The following PITRM1 variants were observed in gnomAD, a reference collection of about 807,000 sequenced individuals.
The protein encoded by PITRM1 is presequence protease, mitochondrial.
A neutral mutation model predicts 129.9 loss-of-function variants in PITRM1; 100 were observed. That is an observed-to-expected ratio of 0.77 (90% CI 0.65 to 0.91). PITRM1 has a LOEUF of 0.91. Among genes scored for constraint, PITRM1 ranks in the 40% least tolerant of loss-of-function variants. The probability of loss-of-function intolerance (pLI) is 0.00; values close to 1 mark genes in which losing one functional copy is unlikely to be tolerated. For missense variants in PITRM1, 1,471 were observed against 1,318.3 expected (o/e 1.12, Z -1.79); for synonymous variants, 591 against 508.8 (o/e 1.16, Z -2.17).
At chr10:3,170,653 A>G (rs1843253255) in intron 1 of PITRM1, among the ~76,000 whole-genome samples, 1 of 152,226 alleles carries the variant, frequency 6.6e-6, no homozygotes, top group Admixed American at 6.5e-5. Context: ...ACACTGCTAC[A>G]GGGAGTACAA....
chr10:3,137,799 CAA>C lies in PITRM1; in HGVS notation c.*230_*231del, dbSNP rs2131786447. On this transcript the variant is annotated 3_prime_UTR_variant, in exon 27 of 27. Transcript: ENST00000224949. ...ATGAGGTAAAACGAGCCTGCCAGTACAAAGTGAAAATTCTACATGGTGCATCT... is the reference window on the plus strand; with the variant it reads ...ATGAGGTAAAACGAGCCTGCCAGTACAGTGAAAATTCTACATGGTGCATCT... The C allele has an allele frequency of 3.7e-6, 2 of 539,760 alleles. No homozygotes were observed. The highest frequency in any genetic ancestry group is 3.3e-5 in the East Asian group (1 of 30,164). 33.4% of individuals were successfully genotyped at this position (539,760 alleles called of 1,614,324 possible). A position where few individuals can be genotyped will look rare whatever the true frequency, so the allele number is the denominator to read the frequency against.
chr10:3,152,651 G>A (rs1841619203), intron 14 of PITRM1, among the ~76,000 whole-genome samples: 1 of 152,246 alleles, frequency 6.6e-6, no homozygotes, highest in Non-Finnish European at 1.5e-5. Flanking sequence ...CCTGGGCTCT[G>A]CAGGCTTCCC....
At chr10:3,144,474 G>T in intron 21 of PITRM1, 108 bp from the exon 22 acceptor site, 1 of 666,112 alleles carries the variant, frequency 1.5e-6, no homozygotes. Flanking sequence ...AAGTGTTAGG[G>T]CAGGTGTAAG....
chr10:3,172,215 A>T (rs1312665589), intron 1 of PITRM1: 1 of 457,188 alleles, frequency 2.2e-6, no homozygotes, highest in Non-Finnish European at 4.4e-6. Flanking sequence ...GATTACCATG[A>T]ACACTAAACT....
At chr10:3,153,629 C>A (rs1358232974) in intron 14 of PITRM1, among the ~76,000 whole-genome samples, 11 of 150,350 alleles carry the variant, frequency 7.3e-5, no homozygotes, top group African/African-American at 4.9e-5. Context: ...AAAAAAAAAA[C>A]CAAAAAAACA....
intron 16 of PITRM1, 126 bp from the exon 17 acceptor site, chr10:3,148,417 T>A: frequency 8.1e-7 from 1 of 1,227,920 alleles, no homozygotes; most frequent in Non-Finnish European, 1.1e-6. Context: ...CCAACCTCTC[T>A]ACACTTCGAA....
At position 3,155,653 on chromosome 10, in the gene PITRM1, G is replaced by A. The variant is rs546803161; in HGVS notation, c.1559C>T (p.Thr520Met). ...YHEKQAQVEA[T>M]KLKQKVEALS... Reference sequence around the variant, plus strand: ...AGCCTCGACCTTCTGCTTGAGCTTCGTGGCTTCCACCTGTGCCTGCTTCTC... The same window carrying A: ...AGCCTCGACCTTCTGCTTGAGCTTCATGGCTTCCACCTGTGCCTGCTTCTC... Residue 520 changes from threonine (T) to methionine (M), a missense_variant, in exon 14 of 27, where the codon ACG becomes ATG. By Grantham distance (81) the Thr-to-Met change is moderately conservative. Coordinates refer to ENST00000224949, the MANE Select transcript of PITRM1 (RefSeq NM_014889.4). 27 of 1,613,800 alleles carry A rather than the reference G, an allele frequency of 1.7e-5. No homozygotes were observed. In the Admixed American group the frequency reaches 1.8e-4, roughly 11 times the overall value.
Position 3,138,247 on chromosome 10 carries a change from G to C in PITRM1, c.3008C>G (p.Ala1003Gly), listed in dbSNP as rs1246019670. ...GCTCCCCACTCACCTATCGCTCACG[G>C]CCAGGAGCTTGTCGTGGCTGACAGC... The part of the protein sequence containing the change: ...LFAVSHDKLL[A>G]VSDRYLGTGK... The change falls in exon 26 of 27, where the codon GCC (alanine) becomes GGC (glycine). Residue 1003 changes from alanine to glycine, a missense_variant. By Grantham distance (60) the Ala-to-Gly change is moderately conservative. Transcript: ENST00000224949. 1.2e-6 allele frequency: 2 copies of C among 1,612,610 alleles called. No homozygotes were observed. The highest frequency in any genetic ancestry group is 1.7e-4 in the Middle Eastern group (1 of 6,058).
chr10:3,142,592 A>G (rs886142216), intron 23 of PITRM1, among the ~76,000 whole-genome samples: 1 of 152,268 alleles, frequency 6.6e-6, no homozygotes, highest in African/African-American at 2.4e-5. Context: ...TGGGATGAAC[A>G]CAGCCAAGGG....
At chr10:3,139,155 CTATTT>C (rs1284821452) in intron 24 of PITRM1, 106 bp from the exon 25 acceptor site, 14 of 923,010 alleles carry the variant, frequency 1.5e-5, no homozygotes, top group Admixed American at 4.1e-5. Context: ...GTTAACAGCT[CTATTT>C]TATATCTGAT....
At chr10:3,142,274 C>T (rs187498790) in intron 23 of PITRM1, among the ~76,000 whole-genome samples, 60 of 152,314 alleles carry the variant, frequency 3.9e-4, no homozygotes, top group Admixed American at 7.2e-4. Flanking sequence ...TGCAGCCCCA[C>T]GTTTCTTCCC....
intron 7 of PITRM1, among the ~76,000 whole-genome samples, chr10:3,162,207 A>G (rs915547231): frequency 6.6e-6 from 1 of 151,516 alleles, no homozygotes; most frequent in Non-Finnish European, 1.5e-5. Context: ...TCACCATTAA[A>G]AGTAGTTCCT....
At chr10:3,159,146 A>G (rs1842227750) in intron 9 of PITRM1, 104 bp from the exon 10 acceptor site, 6 of 1,034,366 alleles carry the variant, frequency 5.8e-6, no homozygotes, top group Non-Finnish European at 8.3e-6. Context: ...CTTTCTAGAA[A>G]TTCTTGCATT....
rs567524130 is a variant in PITRM1, at chr10:3,160,167, T to TC, written c.918+36_918+37insG. On this transcript the variant is annotated intron_variant, in intron 8 of 26. Coordinates refer to ENST00000224949, the MANE Select transcript of PITRM1 (RefSeq NM_014889.4). ...CAGTCCAAGTCCTCATGTCAACATA[T>TC]TTACCAGGAAGGACACAAACACGGT... The TC allele has an allele frequency of 7.2e-5, 116 of 1,609,488 alleles. No homozygotes were observed. In the East Asian group the frequency reaches 2.5e-3, roughly 35 times the overall value.
At chr10:3,171,625 G>C (rs1843368168) in intron 1 of PITRM1, among the ~76,000 whole-genome samples, 1 of 152,170 alleles carries the variant, frequency 6.6e-6, no homozygotes, top group Non-Finnish European at 1.5e-5. Flanking sequence ...ATTTTTAGTA[G>C]AGACAGTTTC....
At chr10:3,154,257 G>T (rs1396542537) in intron 14 of PITRM1, among the ~76,000 whole-genome samples, 1 of 152,176 alleles carries the variant, frequency 6.6e-6, no homozygotes, top group Non-Finnish European at 1.5e-5. Context: ...TGTATATGTT[G>T]ATGGAAATCT....
In PITRM1 at chr10:3,170,124, G is replaced by C. The variant is rs778286988; in HGVS notation, c.139C>G (p.His47Asp). ...CATACCTGGTTTACGGTGAATCCATGGATCTTGTCTCCTAGTTTATACTGC... is the reference window on the plus strand; with the variant it reads ...CATACCTGGTTTACGGTGAATCCATCGATCTTGTCTCCTAGTTTATACTGC... ...ALQYKLGDKI[H>D]GFTVNQVTSV... Residue 47 changes from histidine to aspartate, a missense_variant, in exon 2 of 27, where the codon CAT becomes GAT. Transcript: ENST00000224949. 6.2e-7 allele frequency: 1 copy of C among 1,613,370 alleles called. No individual in the cohort carries two copies. The highest frequency in any genetic ancestry group is 8.5e-7 in the Non-Finnish European group (1 of 1,179,296).
rs1842292885 is a variant in PITRM1 at position 3,159,831 on chromosome 10, T to A, written c.1007+17A>T. The A allele has an allele frequency of 6.8e-7, 1 of 1,480,290 alleles. No homozygotes were observed. Among genetic ancestry groups the A allele is most frequent in the Non-Finnish European group, 9.4e-7 (1 of 1,066,166 alleles). The allele number at this position is 1,480,290 out of a possible 1,614,324, so 91.7% of individuals were successfully genotyped here. ...TCATGTTTTTGTCTTGTATGAGCTT[T>A]GACAGCATATACTTACTCCGGTAAG... On this transcript the variant is annotated intron_variant, in intron 9 of 26. Coordinates refer to ENST00000224949, the MANE Select transcript of PITRM1 (RefSeq NM_014889.4).
chr10:3,145,376 G>A (rs1473436273), intron 21 of PITRM1: 5 of 546,942 alleles, frequency 9.1e-6, no homozygotes, highest in African/African-American at 1.9e-5. Flanking sequence ...AAGTGAGCGC[G>A]GGATCTAAGG....
Sources: allele counts gnomAD v4.1 joint callset (sites outside exome capture counted in the v4.1 genomes callset), GRCh38; gene constraint gnomAD v4.1.1; transcripts MANE v1.5; gene names NCBI Gene and HGNC (gene_info 2026-07-23, HGNC 2026-07-21).